The following NBAS variants were observed in gnomAD, a reference collection of about 807,000 sequenced individuals.
The protein encoded by NBAS is NAG/BC035112 fusion.
Under a neutral mutation model 302.5 loss-of-function variants are expected in NBAS, and 219 were observed. The ratio of observed to expected loss-of-function variants is 0.72; its 90% CI spans 0.65 to 0.81. The LOEUF (loss-of-function observed/expected upper bound fraction) is 0.81, where lower values mean the gene tolerates loss of function less well. Ranked by LOEUF, NBAS falls within the 30% of genes least tolerant of loss-of-function variation. The pLI is 0.00. For synonymous variants in NBAS, 1,118 were observed against 1,021.6 expected, an observed-to-expected ratio of 1.09 and a Z score of -1.80; for missense variants, 2,932 against 2,841.6, an observed-to-expected ratio of 1.03 and a Z score of -0.72.
the NBAS span, among the ~76,000 whole-genome samples, chr2:14,944,697 C>T: frequency 6.6e-6 from 1 of 151,276 alleles, no homozygotes; most frequent in East Asian, 1.9e-4. Flanking sequence ...AATATGAAGA[C>T]GAGACAGTCC....
intron 44 of NBAS, among the ~76,000 whole-genome samples, chr2:15,268,163 A>G (rs1470193599): frequency 1.3e-5 from 2 of 152,228 alleles, no homozygotes; most frequent in East Asian, 1.9e-4. Flanking sequence ...AGCTCCCGCT[A>G]TGAGTCCCAA....
the NBAS span, among the ~76,000 whole-genome samples, chr2:14,994,766 A>G: frequency 6.6e-6 from 1 of 152,200 alleles, no homozygotes; most frequent in African/African-American, 2.4e-5. Flanking sequence ...TGCCAGGAAC[A>G]AGGCTGTCTT....
At chr2:15,349,399 A>G (rs1260436025) in intron 35 of NBAS, among the ~76,000 whole-genome samples, 1 of 152,230 alleles carries the variant, frequency 6.6e-6, no homozygotes, top group Non-Finnish European at 1.5e-5. Context: ...ATGAGGGAAA[A>G]CAATAGTTGC....
chr2:15,346,329 A>T (rs1673087437), intron 35 of NBAS, among the ~76,000 whole-genome samples: 1 of 152,174 alleles, frequency 6.6e-6, no homozygotes, highest in Non-Finnish European at 1.5e-5. Context: ...CAACCCCATC[A>T]AAAAGTGGGC....
At chr2:14,943,163 T>C in the NBAS span, among the ~76,000 whole-genome samples, 2 of 152,236 alleles carry the variant, frequency 1.3e-5, no homozygotes, top group African/African-American at 4.8e-5. Flanking sequence ...GCAAAGCTTC[T>C]AGTCATGTTC....
At chr2:15,241,434 A>C (rs1667863254) in intron 44 of NBAS, among the ~76,000 whole-genome samples, 1 of 152,192 alleles carries the variant, frequency 6.6e-6, no homozygotes, top group Non-Finnish European at 1.5e-5. Context: ...ATTGTTGTCC[A>C]AGTCTTGACT....
At chr2:15,454,592 G>A (rs1231453990) in intron 21 of NBAS, among the ~76,000 whole-genome samples, 4 of 152,188 alleles carry the variant, frequency 2.6e-5, no homozygotes, top group Admixed American at 6.5e-5. Flanking sequence ...ACAGCATCAG[G>A]TGAACATGGA....
chr2:15,551,391 CCTT>C, intron 6 of NBAS, 99 bp downstream of exon 6: 3 of 714,542 alleles, frequency 4.2e-6, no homozygotes, highest in Non-Finnish European at 6.8e-6. Flanking sequence ...TCATGATAAT[CCTT>C]GTTAATAAAT....
At chr2:15,418,869 C>T (rs867612410) in intron 23 of NBAS, among the ~76,000 whole-genome samples, 1 of 152,088 alleles carries the variant, frequency 6.6e-6, no homozygotes, top group Admixed American at 6.6e-5. Flanking sequence ...CTAAGGAACA[C>T]GCAGCTGATC....
At chr2:15,151,949 G>C in the NBAS span, among the ~76,000 whole-genome samples, 1 of 152,136 alleles carries the variant, frequency 6.6e-6, no homozygotes, top group Non-Finnish European at 1.5e-5. Flanking sequence ...CTGGGTTCAA[G>C]TGATTCTTGT....
the NBAS span, among the ~76,000 whole-genome samples, chr2:14,942,308 T>G: frequency 6.6e-6 from 1 of 152,270 alleles, no homozygotes; most frequent in East Asian, 1.9e-4. Context: ...TGGTGGAAAG[T>G]GATTGGATCA....
At chr2:15,234,897 G>T in intron 45 of NBAS, 150 bp from the exon 46 acceptor site, 1 of 843,554 alleles carries the variant, frequency 1.2e-6, no homozygotes, top group Non-Finnish European at 1.9e-6. Flanking sequence ...GTTATTAAGA[G>T]CTTAGGCTCA....
the NBAS span, among the ~76,000 whole-genome samples, chr2:15,013,835 T>A: frequency 6.6e-6 from 1 of 151,988 alleles, no homozygotes; most frequent in South Asian, 2.1e-4. Flanking sequence ...GACAGCTGCA[T>A]GAATAAAAAT....
chr2:14,959,265 C>T, the NBAS span, among the ~76,000 whole-genome samples: 1 of 152,206 alleles, frequency 6.6e-6, no homozygotes, highest in African/African-American at 2.4e-5. Context: ...GCACCAGGTA[C>T]ATTGAGACAT....
At chr2:14,944,325 A>G in the NBAS span, among the ~76,000 whole-genome samples, 152 of 152,164 alleles carry the variant, frequency 1.0e-3, no homozygotes, top group African/African-American at 3.3e-3. Context: ...CAAAAAAACA[A>G]AAAAACAAAA....
intron 16 of NBAS, among the ~76,000 whole-genome samples, chr2:15,472,597 C>T (rs971218884): frequency 2.0e-4 from 30 of 152,136 alleles, no homozygotes; most frequent in African/African-American, 6.8e-4. Flanking sequence ...CAGAAGCAGG[C>T]GTCCAGCTTT....
intron 32 of NBAS, among the ~76,000 whole-genome samples, chr2:15,363,366 G>T (rs1346678726): frequency 6.6e-6 from 1 of 152,142 alleles, no homozygotes; most frequent in Non-Finnish European, 1.5e-5. Context: ...TCATTTGGAT[G>T]CATTCCTTTC....
the NBAS span, among the ~76,000 whole-genome samples, chr2:14,969,562 A>G: frequency 6.6e-6 from 1 of 152,022 alleles, no homozygotes; most frequent in African/African-American, 2.4e-5. Flanking sequence ...TTTTTAGTAG[A>G]GACGGGGTTT....
intron 47 of NBAS, among the ~76,000 whole-genome samples, chr2:15,230,205 A>G (rs966292301): frequency 6.6e-6 from 1 of 152,114 alleles, no homozygotes; most frequent in Non-Finnish European, 1.5e-5. Context: ...CACAATAACC[A>G]TATCACTGCA....
Sources: allele counts gnomAD v4.1 joint callset (sites outside exome capture counted in the v4.1 genomes callset), GRCh38; gene constraint gnomAD v4.1.1; transcripts MANE v1.5; gene names NCBI Gene and HGNC (gene_info 2026-07-23, HGNC 2026-07-21).